Variants in BICC1 observed in about 807,000 individuals in gnomAD.
BICC1 encodes protein bicaudal C homolog 1.
In BICC1, 43 loss-of-function variants were observed where a neutral mutation model predicts 111.0. The observed-to-expected ratio is 0.39, with a 90% CI of 0.30 to 0.50. BICC1 has a LOEUF of 0.50. BICC1 is among the 20% of genes least tolerant of loss of function. BICC1 has a pLI of 0.88. For synonymous variants in BICC1, 467 were observed against 434.4 expected (o/e 1.07, Z -0.93); for missense variants, 1,091 against 1,203.2 (o/e 0.91, Z 1.38).
At chr10:58,802,132 CTG>C (rs1455848885) in intron 14 of BICC1, among the ~76,000 whole-genome samples, 1 of 152,172 alleles carries the variant, frequency 6.6e-6, no homozygotes, top group Non-Finnish European at 1.5e-5. Context: ...CACCAATGGT[CTG>C]TGTTGCCTGC....
At chr10:58,641,352 C>G (rs1021494393) in intron 2 of BICC1, among the ~76,000 whole-genome samples, 2 of 152,236 alleles carry the variant, frequency 1.3e-5, no homozygotes, top group African/African-American at 4.8e-5. Context: ...TGCCGTCGTG[C>G]CCTTGCTTCA....
chr10:58,563,477 C>G (rs1843668189), intron 1 of BICC1, among the ~76,000 whole-genome samples: 1 of 152,178 alleles, frequency 6.6e-6, no homozygotes, highest in Non-Finnish European at 1.5e-5. Flanking sequence ...TGGTTCAAGC[C>G]AATCCTTGCT....
chr10:58,601,140 T>TATATA (rs1554810885), intron 1 of BICC1, among the ~76,000 whole-genome samples: 2 of 100,664 alleles, frequency 2.0e-5, no homozygotes, highest in African/African-American at 7.3e-5. Context: ...ATTTTAAAAC[T>TATATA]TATATATATA....
intron 1 of BICC1, among the ~76,000 whole-genome samples, chr10:58,575,107 G>C (rs1844071056): frequency 6.6e-6 from 1 of 151,594 alleles, no homozygotes; most frequent in Admixed American, 6.6e-5. Context: ...GTGGTTTGCT[G>C]CACCTATCAA....
At chr10:58,808,770 C>T (rs903073531) in intron 17 of BICC1, among the ~76,000 whole-genome samples, 4 of 149,934 alleles carry the variant, frequency 2.7e-5, no homozygotes, top group African/African-American at 4.9e-5. Context: ...AGCTGCAGTG[C>T]AGTGGCACGA....
Position 58,817,576 on chromosome 10 carries a change from A to G in BICC1, c.2548A>G (p.Ser850Gly). Residue 850 changes from serine to glycine, a missense_variant, in exon 19 of 21, where the codon AGC (serine) becomes GGC (glycine). Physicochemically the swap from Ser to Gly is moderately conservative, Grantham distance 56. Transcript: ENST00000373886. ...TTGCCTTTCAGCGGAACACTATCTC[A>G]GCAGTAGCAATTACATGGACTGCAT... is the stretch of plus-strand genomic sequence containing the variant. The part of the protein sequence containing the change: ...KQNKSTEHYL[S>G]SSNYMDCISS... 6.2e-7 allele frequency: 1 copy of G among 1,613,382 alleles called. No individual in the cohort carries two copies. The highest frequency in any genetic ancestry group is 8.5e-7 in the Non-Finnish European group (1 of 1,179,472).
rs115218776 is a variant in BICC1, at chr10:58,514,106, C to T, written c.190+773C>T. On this transcript the variant is annotated intron_variant, in intron 1 of 20. Coordinates refer to ENST00000373886, the MANE Select transcript of BICC1 (RefSeq NM_001080512.3). The stretch of plus-strand genomic sequence containing the variant: ...CCCAGGTAGAAAATCTTCAACCATA[C>T]TGGACCGAAAACAGATTCTGATTTA... Among the ~76,000 whole-genome samples the T allele has an allele frequency of 1.4e-4, 21 of 152,328 alleles. 1 individual carries two copies. Among genetic ancestry groups the T allele is most frequent in the African/African-American group, 5.1e-4 (21 of 41,576 alleles).
At chr10:58,702,409 G>A (rs996760691) in intron 3 of BICC1, among the ~76,000 whole-genome samples, 4 of 152,120 alleles carry the variant, frequency 2.6e-5, no homozygotes, top group African/African-American at 9.7e-5. Context: ...TTATTCGATT[G>A]ATATCCATGA....
At chr10:58,713,702 A>G (rs1396867777) in intron 3 of BICC1, among the ~76,000 whole-genome samples, 2 of 152,240 alleles carry the variant, frequency 1.3e-5, no homozygotes, top group Non-Finnish European at 2.9e-5. Flanking sequence ...AAGAAAACTC[A>G]GACTTAAGCT....
intron 16 of BICC1, 46 bp downstream of exon 16, chr10:58,806,669 C>T (rs376807804): frequency 6.8e-7 from 1 of 1,478,418 alleles, no homozygotes; most frequent in Non-Finnish European, 9.4e-7. Context: ...TTTTAGTACA[C>T]TCATAAATGT....
intron 15 of BICC1, among the ~76,000 whole-genome samples, chr10:58,804,611 A>C (rs1387352569): frequency 1.3e-5 from 2 of 152,262 alleles, no homozygotes; most frequent in East Asian, 3.8e-4. Flanking sequence ...TTATTTAACA[A>C]ATATCAAATC....
intron 3 of BICC1, chr10:58,715,423 T>C (rs552257270): frequency 1.5e-4 from 93 of 621,500 alleles, no homozygotes; most frequent in African/African-American, 8.2e-4. Context: ...ATTTCTACCA[T>C]TGGATTTTTC....
intron 3 of BICC1, among the ~76,000 whole-genome samples, chr10:58,713,280 A>G (rs1840636516): frequency 6.6e-6 from 1 of 152,180 alleles, no homozygotes; most frequent in African/African-American, 2.4e-5. Flanking sequence ...TCCTGTTTCC[A>G]GAACAGATGC....
chr10:58,824,137 C>G, intron 20 of BICC1: 1 of 977,916 alleles, frequency 1.0e-6, no homozygotes. Flanking sequence ...ATTCCTGATG[C>G]CTTGGTTGGT....
chr10:58,723,005 C>T (rs966253031), intron 3 of BICC1, among the ~76,000 whole-genome samples: 2 of 152,162 alleles, frequency 1.3e-5, no homozygotes, highest in African/African-American at 4.8e-5. Flanking sequence ...CTTCCACTGA[C>T]ACTTTGCTCA....
At chr10:58,607,317 A>AAAATAAATATAAATAAATAAATAAAT (rs1845254958) in intron 1 of BICC1, among the ~76,000 whole-genome samples, 1 of 134,674 alleles carries the variant, frequency 7.4e-6, no homozygotes, top group African/African-American at 2.6e-5. Context: ...ACTCTGTCTC[A>AAAATAAATATAAATAAATAAATAAAT]AAATAAATAA....
intron 2 of BICC1, among the ~76,000 whole-genome samples, chr10:58,636,161 C>T (rs1837947930): frequency 6.6e-6 from 1 of 152,058 alleles, no homozygotes. Flanking sequence ...CTGTATGGGA[C>T]CTTAAAGATT....
intron 3 of BICC1, among the ~76,000 whole-genome samples, chr10:58,707,416 G>A (rs988332787): frequency 1.3e-5 from 2 of 152,032 alleles, no homozygotes; most frequent in Non-Finnish European, 2.9e-5. Flanking sequence ...TGCTAATGGT[G>A]GGTTGCAACC....
chr10:58,566,512 A>G lies in BICC1; in HGVS notation c.190+53179A>G, dbSNP rs1843769877. On this transcript the variant is annotated intron_variant, in intron 1 of 20. Transcript: ENST00000373886. ...ATAATGACTTCTTTTTCCTCTGGGT[A>G]CATACCCAATAGTAGGATCGCTGGA... 2.0e-5 allele frequency among the ~76,000 whole-genome samples: 3 copies of G among 152,284 alleles called. No homozygotes were observed. The South Asian group carries it at 6.2e-4, about 32-fold the overall frequency.
Sources: allele counts gnomAD v4.1 joint callset (sites outside exome capture counted in the v4.1 genomes callset), GRCh38; gene constraint gnomAD v4.1.1; transcripts MANE v1.5; gene names NCBI Gene and HGNC (gene_info 2026-07-23, HGNC 2026-07-21).